The following MMP1 variants were observed in gnomAD, a reference collection of about 807,000 sequenced individuals.
MMP1 encodes interstitial collagenase.
In MMP1, 51 loss-of-function variants were observed where a neutral mutation model predicts 49.6. The observed-to-expected ratio is 1.03, with a 90% CI of 0.82 to 1.30. MMP1 has a LOEUF of 1.30. Ranked by LOEUF, MMP1 falls within the 50% of genes most tolerant of loss-of-function variation. The probability of loss-of-function intolerance (pLI) is 0.00; values close to 1 mark genes in which losing one functional copy is unlikely to be tolerated. For synonymous variants in MMP1, 230 were observed against 196.8 expected, an observed-to-expected ratio of 1.17 and a Z score of -1.41; for missense variants, 623 against 568.7, an observed-to-expected ratio of 1.10 and a Z score of -0.97.
Position 102,797,398 on chromosome 11 carries a change from A to T in MMP1, c.208T>A (p.Phe70Ile), listed in dbSNP as rs1858227374. The T allele has an allele frequency of 6.2e-7, 1 of 1,614,162 alleles. No homozygotes were observed. Among genetic ancestry groups the T allele is most frequent in the South Asian group, 1.1e-5 (1 of 91,084 alleles). ...TTCCCAGTCACTTTCAGCCCAAAGAATTCCTGCATTTGCTTCAATTTTTCA... is the reference window on the plus strand; with the variant it reads ...TTCCCAGTCACTTTCAGCCCAAAGATTTCCTGCATTTGCTTCAATTTTTCA... ...VVEKLKQMQE[F>I]FGLKVTGKPD... Residue 70 changes from phenylalanine to isoleucine, a missense_variant, in exon 2 of 10, where the codon TTC (phenylalanine) becomes ATC (isoleucine). Physicochemically the swap from Phe to Ile is conservative, Grantham distance 21. Transcript: ENST00000315274.
At position 102,795,478 on chromosome 11, in the gene MMP1, T is replaced by C. The variant is rs513964; in HGVS notation, c.755A>G (p.Asp252Gly). 1.1e-4 allele frequency: 183 copies of C among 1,613,910 alleles called. No individual in the cohort carries two copies. The African/African-American group carries it at 2.1e-3, about 18-fold the overall frequency. ...FSGDVQLAQD[D>G]IDGIQAIYGR... ...ATATATGGCTTGGATGCCATCAATGTCATCCTGAGCTAGCTGAACATCACC... is the reference window on the plus strand; with the variant it reads ...ATATATGGCTTGGATGCCATCAATGCCATCCTGAGCTAGCTGAACATCACC... The change falls in exon 5 of 10, where the codon GAC (aspartate) becomes GGC (glycine). Residue 252 changes from aspartate to glycine, a missense_variant. Coordinates refer to ENST00000315274, the MANE Select transcript of MMP1 (RefSeq NM_002421.4).
rs561475887 is a variant in MMP1 at position 102,791,876 on chromosome 11, T to C, written c.1034-381A>G. Among the ~76,000 whole-genome samples the C allele has an allele frequency of 3.9e-5, 6 of 152,282 alleles. No individual in the cohort carries two copies. The East Asian group carries it at 9.7e-4, about 24-fold the overall frequency. Reference sequence around the variant, plus strand: ...TTCAAACCATTTGTATCATAAAGGGTGAAGTGCTGTAGTGACTCATAACCT... The same window carrying C: ...TTCAAACCATTTGTATCATAAAGGGCGAAGTGCTGTAGTGACTCATAACCT... On this transcript the variant is annotated intron_variant, in intron 7 of 9. Coordinates refer to ENST00000315274, the MANE Select transcript of MMP1 (RefSeq NM_002421.4).
intron 4 of MMP1, among the ~76,000 whole-genome samples, chr11:102,796,136 A>C (rs1858183152): frequency 6.6e-6 from 1 of 152,112 alleles, no homozygotes; most frequent in South Asian, 2.1e-4. Flanking sequence ...TTTTTAGAAG[A>C]GACAGGGTTT....
chr11:102,791,203 G>C (rs1193202308), intron 8 of MMP1, 130 bp downstream of exon 8: 19 of 893,900 alleles, frequency 2.1e-5, no homozygotes, highest in Non-Finnish European at 3.0e-5. Context: ...ATAGATGATA[G>C]ATTGGCACCA....
chr11:102,797,364 G>A lies in MMP1; in HGVS notation c.242C>T (p.Ala81Val), dbSNP rs376694849. ...FGLKVTGKPD[A>V]ETLKVMKQPR... ...CTGCTTCATCACCTTCAGGGTTTCA[G>A]CATCTGGTTTCCCAGTCACTTTCAG... The change falls in exon 2 of 10, where the codon GCT (alanine) becomes GTT (valine). Residue 81 changes from alanine (A) to valine (V), a missense_variant. By Grantham distance (64) the Ala-to-Val change is moderately conservative. Transcript: ENST00000315274. 3 of 1,614,014 alleles carry A rather than the reference G, an allele frequency of 1.9e-6. No homozygotes were observed. Among genetic ancestry groups the A allele is most frequent in the African/African-American group, 2.7e-5 (2 of 74,906 alleles).
In MMP1 at chr11:102,795,455, A is replaced by G; in HGVS notation, c.778T>C (p.Tyr260His). ...TAATGTTTTTCCCCATACTCACCATATATGGCTTGGATGCCATCAATGTCA... is the reference window on the plus strand; with the variant it reads ...TAATGTTTTTCCCCATACTCACCATGTATGGCTTGGATGCCATCAATGTCA... ...QDDIDGIQAI[Y>H]GRSQNPVQPI... The change falls in exon 5 of 10, where the codon TAT (tyrosine) becomes CAT (histidine). Residue 260 changes from tyrosine (Y) to histidine (H), a missense_variant. Tyr to His is a moderately conservative substitution (Grantham distance 83). Transcript: ENST00000315274. The G allele has an allele frequency of 1.9e-6, 3 of 1,613,430 alleles. No homozygotes were observed. Among genetic ancestry groups the G allele is most frequent in the Non-Finnish European group, 1.7e-6 (2 of 1,179,860 alleles).
Position 102,797,888 on chromosome 11 carries a change from C to A in MMP1, c.105+100G>T, listed in dbSNP as rs1347195638. ...TGTTTCTAGCAAAAAAAAAAAAAAT[C>A]TCTTTATAAGAAACCTATCCTTAAA... On this transcript the variant is annotated intron_variant, in intron 1 of 9. Transcript: ENST00000315274. 32 of 854,122 alleles carry A rather than the reference C, an allele frequency of 3.7e-5. No homozygotes were observed. The South Asian group carries it at 4.9e-4, about 13-fold the overall frequency. 52.9% of individuals were successfully genotyped at this position (854,122 alleles called of 1,614,324 possible).
In MMP1 at chr11:102,795,448, T is replaced by C. The variant is rs1472077398; in HGVS notation, c.781+4A>G. 6.2e-7 allele frequency: 1 copy of C among 1,612,692 alleles called. No homozygotes were observed. Among genetic ancestry groups the C allele is most frequent in the Admixed American group, 1.7e-5 (1 of 59,664 alleles). The stretch of plus-strand genomic sequence containing the variant: ...TTGTCCGTAATGTTTTTCCCCATAC[T>C]CACCATATATGGCTTGGATGCCATC... On this transcript the variant is annotated splice_donor_region_variant and intron_variant, in intron 5 of 9. Coordinates refer to ENST00000315274, the MANE Select transcript of MMP1 (RefSeq NM_002421.4).
intron 6 of MMP1, 102 bp downstream of exon 6, chr11:102,795,072 A>G: frequency 1.0e-6 from 1 of 964,576 alleles, no homozygotes. Flanking sequence ...ATAGATGTAA[A>G]TCAGCATGAA....
chr11:102,791,611 G>T, intron 7 of MMP1, 116 bp from the exon 8 acceptor site: 1 of 1,111,620 alleles, frequency 9.0e-7, no homozygotes, highest in South Asian at 1.6e-5. Context: ...CTGCAGATTA[G>T]AATCATCTAG....
chr11:102,795,194 T>C lies in MMP1; in HGVS notation c.879A>G (p.Glu293=), dbSNP rs183704439. 56 of 1,613,776 alleles carry C rather than the reference T, an allele frequency of 3.5e-5. 1 individual carries two copies. Among genetic ancestry groups the C allele is most frequent in the Non-Finnish European group, 1.1e-5 (13 of 1,179,686 alleles). The change falls in exon 6 of 10, where the codon GAA becomes GAG. Residue 293 remains glutamate (E), a synonymous_variant. Transcript: ENST00000315274. ...CTTACCTGTCTTTAAAGAACATCAC[T>C]TCTCCCCGAATCGTAGTTATAGCAT... The part of the protein sequence containing the change: ...TFDAITTIRG[E]VMFFKDRFYM...
rs781660659 is a variant in MMP1, at chr11:102,790,836, C to A, written c.1197-30G>T. The A allele has an allele frequency of 6.4e-5, 81 of 1,275,178 alleles. 1 individual carries two copies. The Admixed American group carries it at 1.4e-3, about 22-fold the overall frequency. 79.0% of individuals were successfully genotyped at this position (1,275,178 alleles called of 1,614,324 possible). A position where few individuals can be genotyped will look rare whatever the true frequency, so the allele number is the denominator to read the frequency against. ...TCAGAAAAGAGTTAAGAGTGTCAGA[C>A]CTTTTGCTAAACATGTGCACTCTGA... On this transcript the variant is annotated intron_variant, in intron 8 of 9. Transcript: ENST00000315274.
intron 7 of MMP1, 78 bp from the exon 8 acceptor site, chr11:102,791,573 A>C (rs1858034073): frequency 2.0e-6 from 3 of 1,507,962 alleles, no homozygotes; most frequent in Admixed American, 1.7e-5. Flanking sequence ...CTAAGTTCTT[A>C]GTTTCACATG....
At chr11:102,790,564 T>C in intron 9 of MMP1, 43 bp from the exon 10 acceptor site, 1 of 1,406,802 alleles carries the variant, frequency 7.1e-7, no homozygotes, top group Non-Finnish European at 9.9e-7. Flanking sequence ...ATACAAGTAG[T>C]TTCTAGGTTT....
intron 5 of MMP1, 73 bp downstream of exon 5, chr11:102,795,379 T>C: frequency 6.2e-7 from 1 of 1,603,426 alleles, no homozygotes. Flanking sequence ...AGGATATCGC[T>C]AATGGCTGTT....
chr11:102,791,503 T>C lies in MMP1; in HGVS notation c.1034-8A>G, dbSNP rs187781332. 4 of 1,611,288 alleles carry C rather than the reference T, an allele frequency of 2.5e-6. No individual in the cohort carries two copies. The highest frequency in any genetic ancestry group is 2.5e-6 in the Non-Finnish European group (3 of 1,178,830). On this transcript the variant is annotated splice_region_variant and splice_polypyrimidine_tract_variant and intron_variant, in intron 7 of 9. Coordinates refer to ENST00000315274, the MANE Select transcript of MMP1 (RefSeq NM_002421.4). ...CAGCCCAGTACTTATTCCCTGCCAA[T>C]CAAGAAAGAGTGATAAAACACTTGC...
intron 6 of MMP1, among the ~76,000 whole-genome samples, chr11:102,793,685 C>A (rs1390031203): frequency 6.6e-6 from 1 of 152,204 alleles, no homozygotes; most frequent in Non-Finnish European, 1.5e-5. Context: ...TAAGGCCACC[C>A]AGCTGGTAAG....
rs781074458 is a variant in MMP1, at chr11:102,791,452, T to C, written c.1077A>G (p.Gly359=). Residue 359 remains glycine, a synonymous_variant, in exon 8 of 10, where the codon GGA becomes GGG. Transcript: ENST00000315274. ...AGGAGCTGTAGATGTCCTTGGGGTA[T>C]CCGTGTAGCACATTCTGTCCCTGAA... ...WAVQGQNVLH[G]YPKDIYSSFG... is the part of the protein sequence containing the mutation. 6.2e-7 allele frequency: 1 copy of C among 1,614,050 alleles called. No individual in the cohort carries two copies. Among genetic ancestry groups the C allele is most frequent in the South Asian group, 1.1e-5 (1 of 91,076 alleles).
At position 102,791,345 on chromosome 11, in the gene MMP1, T is replaced by C. The variant is rs752027803; in HGVS notation, c.1184A>G (p.Asn395Ser). 5.0e-6 allele frequency: 8 copies of C among 1,613,936 alleles called. No homozygotes were observed. Among genetic ancestry groups the C allele is most frequent in the Non-Finnish European group, 6.8e-6 (8 of 1,179,810 alleles). The change falls in exon 8 of 10, where the codon AAC becomes AGC. Residue 395 changes from asparagine to serine, a missense_variant. Asn to Ser is a conservative substitution (Grantham distance 46, BLOSUM62 1). Coordinates refer to ENST00000315274, the MANE Select transcript of MMP1 (RefSeq NM_002421.4). ...NTGKTYFFVANKYWRYDEYKR... is the reference protein window; with the variant it reads ...NTGKTYFFVASKYWRYDEYKR... ...CACTTAAACTTACCTCCAGTATTTGTTAGCAACAAAGAAGTAGGTTTTTCC... is the reference window on the plus strand; with the variant it reads ...CACTTAAACTTACCTCCAGTATTTGCTAGCAACAAAGAAGTAGGTTTTTCC...
Sources: gnomAD v4.1 joint callset for allele counts (sites outside exome capture counted in the v4.1 genomes callset) on GRCh38, gnomAD v4.1.1 for gene constraint, MANE v1.5 for transcripts, NCBI Gene and HGNC (gene_info 2026-07-23, HGNC 2026-07-21) for gene names.